The following IL1RAPL2 variants were observed in gnomAD, a reference collection of about 807,000 sequenced individuals.
The protein encoded by IL1RAPL2 is interleukin 1 receptor accessory protein like 2.
In IL1RAPL2, 3 loss-of-function variants were observed where a neutral mutation model predicts 44.1. The ratio of observed to expected loss-of-function variants is 0.07; its 90% CI spans 0.03 to 0.18. The LOEUF (loss-of-function observed/expected upper bound fraction) is 0.18. IL1RAPL2 is among the 10% of genes least tolerant of loss of function. The probability of loss-of-function intolerance (pLI) is 1.00; values close to 1 mark genes in which losing one functional copy is unlikely to be tolerated. For missense variants in IL1RAPL2, 391 were observed against 496.4 expected, an observed-to-expected ratio of 0.79 and a Z score of 2.02; for synonymous variants, 181 against 178.8, an observed-to-expected ratio of 1.01 and a Z score of -0.10.
In IL1RAPL2 at chrX:104,855,681, G is replaced by GTGTTTTTTTTTTTT; in HGVS notation, c.82+196687_82+196688insGTTTTTTTTTTTTT. Among the ~76,000 whole-genome samples the GTGTTTTTTTTTTTT allele has an allele frequency of 7.4e-3, 401 of 53,828 alleles. 85 individuals carry two copies. The highest frequency in any genetic ancestry group is 0.013 in the Non-Finnish European group (326 of 24,596). The allele number at this position is 53,828 out of a possible 115,157, so 46.7% of individuals were successfully genotyped here. A position where few individuals can be genotyped will look rare whatever the true frequency, so the allele number is the denominator to read the frequency against. On this transcript the variant is annotated intron_variant, in intron 2 of 10. Transcript: ENST00000372582. ...TTAACTGTGCTAAGGATCTGGATCC[G>GTGTTTTTTTTTTTT]TTTTTTTTTTTTTTTTTACTGTATC...
intron 2 of IL1RAPL2, among the ~76,000 whole-genome samples, chrX:104,944,908 A>G (rs1337859677): frequency 8.9e-6 from 1 of 111,799 alleles, no homozygotes; most frequent in Non-Finnish European, 1.9e-5. Context: ...TTGTGGCTTT[A>G]GGGAAGTCAG....
At chrX:105,170,769 TAGGCAAAGAGTAGTGTAAAAAGTTCAA>T (rs994637114) in intron 2 of IL1RAPL2, among the ~76,000 whole-genome samples, 1 of 112,315 alleles carries the variant, frequency 8.9e-6, no homozygotes, top group African/African-American at 3.2e-5. Context: ...TCTGTAGAAT[TAGGCAAAGAGTAGTGTAAAAAGTTCAA>T]GAAGAACTAG....
chrX:105,511,479 G>GT (rs1251467600), intron 6 of IL1RAPL2, among the ~76,000 whole-genome samples: 1 of 110,581 alleles, frequency 9.0e-6, no homozygotes, highest in East Asian at 2.9e-4. Context: ...TGTACTTTGA[G>GT]TTTTTTTCTA....
At chrX:104,764,749 G>A (rs1170445405) in intron 2 of IL1RAPL2, among the ~76,000 whole-genome samples, 1 of 111,481 alleles carries the variant, frequency 9.0e-6, no homozygotes, top group Admixed American at 9.5e-5. Context: ...ATTTTTTTGG[G>A]GGTTTTTATC....
rs965164523 is a variant in IL1RAPL2 at position 104,792,298 on chromosome X, A to G, written c.82+133303A>G. Among the ~76,000 whole-genome samples the G allele has an allele frequency of 3.6e-5, 4 of 111,084 alleles. No individual in the cohort carries two copies. The Admixed American group carries it at 3.9e-4, about 11-fold the overall frequency. On this transcript the variant is annotated intron_variant, in intron 2 of 10. Transcript: ENST00000372582. ...ATATTATGTGATTTTTCCCCAAAGT[A>G]ACATATCTAATTAGTAGCAAGGGCA... is the stretch of plus-strand genomic sequence containing the variant.
At chrX:104,953,961 A>T (rs1246444862) in intron 2 of IL1RAPL2, among the ~76,000 whole-genome samples, 3 of 111,834 alleles carry the variant, frequency 2.7e-5, no homozygotes, top group Non-Finnish European at 5.6e-5. Context: ...GGAGGATAGA[A>T]GTTAGACTGT....
rs1602561641 is a variant in IL1RAPL2 at position 105,764,009 on chromosome X, A to T, written c.1364-2955A>T. ...TATGATTAATGTATACATAGGGCAA[A>T]CCAGGATAATTTAGACCTTTTTTCT... is the stretch of plus-strand genomic sequence containing the variant. On this transcript the variant is annotated intron_variant, in intron 10 of 10. Coordinates refer to ENST00000372582, the MANE Select transcript of IL1RAPL2 (RefSeq NM_017416.2). 2.7e-5 allele frequency among the ~76,000 whole-genome samples: 3 copies of T among 111,694 alleles called. No homozygotes were observed. The Admixed American group carries it at 2.9e-4, about 11-fold the overall frequency.
At chrX:104,651,723 A>C (rs1364544085) in intron 1 of IL1RAPL2, among the ~76,000 whole-genome samples, 2 of 111,392 alleles carry the variant, frequency 1.8e-5, no homozygotes, top group Non-Finnish European at 3.8e-5. Flanking sequence ...TAACAAAGTC[A>C]CTGGCGTTAT....
At chrX:105,176,296 G>A (rs776333450) in intron 2 of IL1RAPL2, among the ~76,000 whole-genome samples, 7 of 111,029 alleles carry the variant, frequency 6.3e-5, no homozygotes, top group African/African-American at 2.3e-4. Flanking sequence ...AAAAAGGTGA[G>A]GCCAGCATAC....
At chrX:105,107,790 T>C (rs1259243920) in intron 2 of IL1RAPL2, among the ~76,000 whole-genome samples, 6 of 111,802 alleles carry the variant, frequency 5.4e-5, no homozygotes, top group Admixed American at 1.9e-4. Flanking sequence ...GTCACTGAAA[T>C]TGACTTTTGC....
chrX:105,734,691 G>C (rs1275150751), intron 7 of IL1RAPL2, among the ~76,000 whole-genome samples: 1 of 111,731 alleles, frequency 9.0e-6, no homozygotes, highest in Non-Finnish European at 1.9e-5. Flanking sequence ...ACTACACTGA[G>C]TCAACAAGCA....
intron 5 of IL1RAPL2, among the ~76,000 whole-genome samples, chrX:105,482,504 G>T (rs2036239133): frequency 9.0e-6 from 1 of 111,351 alleles, no homozygotes; most frequent in African/African-American, 3.3e-5. Flanking sequence ...AAAAATGAAG[G>T]CAATTAATTC....
chrX:105,066,373 A>C (rs949873161), intron 2 of IL1RAPL2, among the ~76,000 whole-genome samples: 1 of 111,586 alleles, frequency 9.0e-6, no homozygotes, highest in Non-Finnish European at 1.9e-5. Flanking sequence ...AACAAAACCT[A>C]CTACAGTAGT....
intron 2 of IL1RAPL2, among the ~76,000 whole-genome samples, chrX:105,151,186 A>C (rs2033224021): frequency 8.9e-6 from 1 of 112,021 alleles, no homozygotes; most frequent in Non-Finnish European, 1.9e-5. Flanking sequence ...TGCTTTGATC[A>C]TCAGTGAAAT....
intron 2 of IL1RAPL2, among the ~76,000 whole-genome samples, chrX:104,922,270 C>T (rs1344917415): frequency 8.8e-6 from 1 of 113,184 alleles, no homozygotes; most frequent in Non-Finnish European, 1.9e-5. Context: ...CGGCAATCGC[C>T]ATCTACTGGC....
At chrX:105,469,430 G>C (rs769910473) in intron 5 of IL1RAPL2, among the ~76,000 whole-genome samples, 2 of 110,701 alleles carry the variant, frequency 1.8e-5, no homozygotes, top group East Asian at 5.8e-4. Flanking sequence ...ATAGGACCAA[G>C]AGGTATAACA....
At chrX:104,634,048 T>A (rs1184200798) in intron 1 of IL1RAPL2, among the ~76,000 whole-genome samples, 1 of 111,633 alleles carries the variant, frequency 9.0e-6, no homozygotes, top group Non-Finnish European at 1.9e-5. Flanking sequence ...GTTGTGTCTT[T>A]GTTCTCGTTG....
intron 2 of IL1RAPL2, among the ~76,000 whole-genome samples, chrX:104,876,718 T>TTTATTATTA (rs200283526): frequency 3.2e-5 from 3 of 93,406 alleles, no homozygotes; most frequent in African/African-American, 1.2e-4. Context: ...AACAATTTCT[T>TTTATTATTA]TTATTATTAT....
At chrX:104,916,283 C>G (rs1342860862) in intron 2 of IL1RAPL2, among the ~76,000 whole-genome samples, 1 of 111,362 alleles carries the variant, frequency 9.0e-6, no homozygotes, top group Non-Finnish European at 1.9e-5. Flanking sequence ...GAGGTCCTTC[C>G]CATCCCTTGT....
Sources: gnomAD v4.1 joint callset for allele counts (sites outside exome capture counted in the v4.1 genomes callset) on GRCh38, gnomAD v4.1.1 for gene constraint, MANE v1.5 for transcripts, NCBI Gene and HGNC (gene_info 2026-07-23, HGNC 2026-07-21) for gene names.